The following WDR43 variants were observed in gnomAD, a reference collection of about 807,000 sequenced individuals.
WDR43 encodes WD repeat-containing protein 43.
A neutral mutation model predicts 91.4 loss-of-function variants in WDR43; 13 were observed. The ratio of observed to expected loss-of-function variants is 0.14; its 90% CI spans 0.09 to 0.23. The LOEUF is 0.23. Ranked by LOEUF, WDR43 falls within the 10% of genes least tolerant of loss-of-function variation. The pLI is 1.00. For synonymous variants in WDR43, 331 were observed against 287.9 expected, an observed-to-expected ratio of 1.15 and a Z score of -1.51; for missense variants, 780 against 809.4, an observed-to-expected ratio of 0.96 and a Z score of 0.44.
At chr2:28,938,251 A>C (rs1343923173) in intron 14 of WDR43, among the ~76,000 whole-genome samples, 1 of 152,188 alleles carries the variant, frequency 6.6e-6, no homozygotes, top group Non-Finnish European at 1.5e-5. Context: ...TTACAAATAC[A>C]GAAAGGAGAA....
rs1241190018 is a variant in WDR43 at position 28,936,872 on chromosome 2, A to T, written c.1525-50A>T. 3.3e-6 allele frequency: 5 copies of T among 1,508,090 alleles called. No individual in the cohort carries two copies. In the Admixed American group the frequency reaches 6.0e-5, roughly 18 times the overall value. The allele number at this position is 1,508,090 out of a possible 1,614,324, so 93.4% of individuals were successfully genotyped here. ...TCATTGTATCATAGGAATTGACAGC[A>T]TTGGTTGCCTCTGAAGTGCTGTTGT... On this transcript the variant is annotated intron_variant, in intron 12 of 17. Transcript: ENST00000407426.
At chr2:28,917,833 C>T (rs2148187209) in intron 5 of WDR43, 60 bp from the exon 6 acceptor site, 1 of 1,474,602 alleles carries the variant, frequency 6.8e-7, no homozygotes, top group Non-Finnish European at 9.2e-7. Context: ...TAGGTGTTTG[C>T]CTTTTTAGGA....
In WDR43 at chr2:28,894,733, T is replaced by C. The variant is rs1025249665; in HGVS notation, c.35T>C (p.Leu12Pro). The C allele has an allele frequency of 6.3e-7, 1 of 1,581,642 alleles. No homozygotes were observed. Among genetic ancestry groups the C allele is most frequent in the Non-Finnish European group, 8.6e-7 (1 of 1,164,932 alleles). ...AAGGGGSCDP[L>P]APAGVPCAFS... ...GGCGGCGGCGGTAGCTGCGACCCCC[T>C]GGCCCCTGCTGGGGTCCCTTGCGCC... is the stretch of plus-strand genomic sequence containing the variant. The change falls in exon 1 of 18, where the codon CTG becomes CCG. Residue 12 changes from leucine to proline, a missense_variant. Physicochemically the swap from Leu to Pro is moderately conservative, Grantham distance 98. Around this residue, in one of 4 missense-constraint regions of WDR43, gnomAD observed 175 missense variants for 113.8 expected, o/e 1.54. Coordinates refer to ENST00000407426, the MANE Select transcript of WDR43 (RefSeq NM_015131.3).
At chr2:28,910,164 G>T (rs748486921) in intron 3 of WDR43, among the ~76,000 whole-genome samples, 19 of 152,160 alleles carry the variant, frequency 1.2e-4, no homozygotes, top group Non-Finnish European at 2.2e-4. Flanking sequence ...TATGCTTTGA[G>T]TTACAAAGCT....
intron 13 of WDR43, 44 bp downstream of exon 13, chr2:28,936,997 A>T (rs1159892157): frequency 6.5e-7 from 1 of 1,530,340 alleles, no homozygotes; most frequent in Admixed American, 2.1e-5. Flanking sequence ...GTCTGACAGC[A>T]TGAAATTAAA....
At chr2:28,904,479 T>C (rs1670640090) in intron 2 of WDR43, among the ~76,000 whole-genome samples, 1 of 152,226 alleles carries the variant, frequency 6.6e-6, no homozygotes, top group East Asian at 1.9e-4. Flanking sequence ...TCCAAAAGGG[T>C]ATGCTAGTTT....
intron 14 of WDR43, among the ~76,000 whole-genome samples, chr2:28,940,718 C>A (rs543757645): frequency 6.6e-6 from 1 of 152,196 alleles, no homozygotes; most frequent in Non-Finnish European, 1.5e-5. Flanking sequence ...TCATGGTTTC[C>A]TTTCATATTG....
chr2:28,924,920 C>T (rs1671098982), intron 7 of WDR43, 62 bp from the exon 8 acceptor site: 1 of 1,557,676 alleles, frequency 6.4e-7, no homozygotes. Context: ...ATGTCAGTTC[C>T]AGAGAGTTAG....
At chr2:28,922,747 C>T (rs1671057100) in intron 6 of WDR43, among the ~76,000 whole-genome samples, 172 bp from the exon 7 acceptor site, 1 of 148,642 alleles carries the variant, frequency 6.7e-6, no homozygotes, top group South Asian at 2.1e-4. Context: ...AACACCACCA[C>T]TAATGGTTAT....
intron 8 of WDR43, 71 bp from the exon 9 acceptor site, chr2:28,926,397 A>G (rs1253219086): frequency 5.5e-6 from 6 of 1,094,466 alleles, no homozygotes; most frequent in Middle Eastern, 2.6e-4. Flanking sequence ...TCTTATTCCC[A>G]GTTGCTTTGT....
At chr2:28,946,269 C>G (rs1671540347) in intron 16 of WDR43, among the ~76,000 whole-genome samples, 181 bp from the exon 17 acceptor site, 1 of 151,820 alleles carries the variant, frequency 6.6e-6, no homozygotes. Flanking sequence ...CAAGATTGCT[C>G]CACTGCACTC....
At chr2:28,903,566 A>C (rs1445168675) in intron 2 of WDR43, among the ~76,000 whole-genome samples, 1 of 152,236 alleles carries the variant, frequency 6.6e-6, no homozygotes, top group African/African-American at 2.4e-5. Flanking sequence ...TATTAAGATT[A>C]CAAAAATAAT....
At chr2:28,919,524 C>T (rs922129277) in intron 6 of WDR43, among the ~76,000 whole-genome samples, 4 of 152,148 alleles carry the variant, frequency 2.6e-5, no homozygotes, top group South Asian at 2.1e-4. Context: ...GGGCTGGTGG[C>T]GGGCGCCTGT....
intron 11 of WDR43, chr2:28,930,210 T>C: frequency 2.4e-6 from 1 of 417,506 alleles, no homozygotes; most frequent in Non-Finnish European, 5.0e-6. Flanking sequence ...TATGTAGAGG[T>C]AAAAGTACTA....
intron 1 of WDR43, among the ~76,000 whole-genome samples, chr2:28,900,746 T>G (rs1222810806): frequency 2.6e-5 from 4 of 152,226 alleles, no homozygotes; most frequent in African/African-American, 9.6e-5. Context: ...CTTTTAATTG[T>G]AACTTCTCTT....
rs1558373383 is a variant in WDR43 at position 28,914,163 on chromosome 2, T to G, written c.701T>G (p.Leu234Arg). ...ESQPFDGITG[L>R]YFLSGAVHDR... The stretch of plus-strand genomic sequence containing the variant: ...CAGCCCTTTGATGGAATTACAGGTC[T>G]TTATTTCTTATCTGGAGCAGTACAT... The change falls in exon 5 of 18, where the codon CTT becomes CGT. Residue 234 changes from leucine (L) to arginine (R), a missense_variant. By Grantham distance (102) the Leu-to-Arg change is moderately radical. Coordinates refer to ENST00000407426, the MANE Select transcript of WDR43 (RefSeq NM_015131.3). 1 of 1,613,978 alleles carries G rather than the reference T, an allele frequency of 6.2e-7. No homozygotes were observed. The highest frequency in any genetic ancestry group is 8.5e-7 in the Non-Finnish European group (1 of 1,179,890).
rs546232806 is a variant in WDR43 at position 28,941,748 on chromosome 2, C to T, written c.1734+174C>T. Among the ~76,000 whole-genome samples the T allele has an allele frequency of 1.9e-4, 29 of 152,260 alleles. 1 individual carries two copies. The South Asian group carries it at 2.5e-3, about 13-fold the overall frequency. On this transcript the variant is annotated intron_variant, in intron 15 of 17. Coordinates refer to ENST00000407426, the MANE Select transcript of WDR43 (RefSeq NM_015131.3). ...TGCCTCCCAAGTAGCTGGGACTACA[C>T]GGATGCACCACCATGCCTGGCTAAT...
intron 11 of WDR43, among the ~76,000 whole-genome samples, chr2:28,933,037 G>T (rs1347652759): frequency 6.6e-6 from 1 of 152,142 alleles, no homozygotes; most frequent in Non-Finnish European, 1.5e-5. Flanking sequence ...AGAATATTCT[G>T]TATTTTGGGG....
At chr2:28,941,894 T>G (rs1329849365) in intron 15 of WDR43, among the ~76,000 whole-genome samples, 1 of 152,196 alleles carries the variant, frequency 6.6e-6, no homozygotes, top group African/African-American at 2.4e-5. Flanking sequence ...CACGCCTGGC[T>G]GAGAGCTCCC....
Sources: allele counts gnomAD v4.1 joint callset (sites outside exome capture counted in the v4.1 genomes callset), GRCh38; gene constraint gnomAD v4.1.1; regional missense constraint gnomAD v4.1.1; transcripts MANE v1.5; gene names NCBI Gene and HGNC (gene_info 2026-07-23, HGNC 2026-07-21).